The following TENM3 variants were observed in gnomAD, a reference collection of about 807,000 sequenced individuals.
The protein encoded by TENM3 is teneurin-3.
In TENM3, 63 loss-of-function variants were observed where a neutral mutation model predicts 255.1. The ratio of observed to expected loss-of-function variants is 0.25; its 90% CI spans 0.20 to 0.30. TENM3 has a LOEUF of 0.30. Among genes scored for constraint, TENM3 ranks in the 10% least tolerant of loss-of-function variants. The pLI is 1.00. For synonymous variants in TENM3, 1,306 were observed against 1,322.3 expected (o/e 0.99, Z 0.27); for missense variants, 2,929 against 3,461.1 (o/e 0.85, Z 3.86).
At chr4:182,462,993 T>C (rs1161097723) in intron 3 of TENM3, among the ~76,000 whole-genome samples, 1 of 152,074 alleles carries the variant, frequency 6.6e-6, no homozygotes, top group East Asian at 1.9e-4. Flanking sequence ...AATCCATGTA[T>C]ACTAAAGGCC....
the TENM3 span, among the ~76,000 whole-genome samples, chr4:181,836,944 T>G: frequency 6.6e-6 from 1 of 152,008 alleles, no homozygotes; most frequent in Non-Finnish European, 1.5e-5. Flanking sequence ...AATAAAGTTT[T>G]ATGATTTTTC....
At chr4:182,300,102 G>A (rs1332589294) in intron 1 of TENM3, among the ~76,000 whole-genome samples, 3 of 152,070 alleles carry the variant, frequency 2.0e-5, no homozygotes, top group African/African-American at 7.2e-5. Context: ...TTTTAGTAGA[G>A]ACGAGGTTTC....
At chr4:181,814,510 TA>T in the TENM3 span, among the ~76,000 whole-genome samples, 1 of 152,042 alleles carries the variant, frequency 6.6e-6, no homozygotes, top group African/African-American at 2.4e-5. Flanking sequence ...ATACAGTTAA[TA>T]AACTTCACTG....
intron 5 of TENM3, among the ~76,000 whole-genome samples, chr4:182,636,051 G>A (rs1347778298): frequency 6.6e-6 from 1 of 152,152 alleles, no homozygotes; most frequent in Admixed American, 6.5e-5. Flanking sequence ...TAATGTTCTA[G>A]AACACAGCCA....
At chr4:181,530,628 C>A in the TENM3 span, among the ~76,000 whole-genome samples, 3 of 152,204 alleles carry the variant, frequency 2.0e-5, no homozygotes, top group African/African-American at 7.2e-5. Flanking sequence ...AGGGGACCCT[C>A]AGTGCATAAT....
chr4:182,495,394 T>C (rs1038114522), intron 3 of TENM3, among the ~76,000 whole-genome samples: 1 of 152,198 alleles, frequency 6.6e-6, no homozygotes, highest in Admixed American at 6.5e-5. Context: ...GGGAAAATGG[T>C]TTCAGATTCA....
intron 1 of TENM3, among the ~76,000 whole-genome samples, chr4:182,191,752 C>T (rs547762047): frequency 1.7e-3 from 263 of 152,224 alleles, no homozygotes; most frequent in African/African-American, 6.2e-3. Context: ...TGCTATCAGC[C>T]AGAGATCTAA....
chr4:181,612,686 C>T, the TENM3 span, among the ~76,000 whole-genome samples: 11 of 152,000 alleles, frequency 7.2e-5, no homozygotes, highest in African/African-American at 1.2e-4. Context: ...TGATAGGATA[C>T]GCAGTCTGTT....
the TENM3 span, among the ~76,000 whole-genome samples, chr4:181,641,995 G>A: frequency 1.3e-5 from 2 of 151,174 alleles, no homozygotes; most frequent in Admixed American, 1.3e-4. Context: ...CCAGTAATGG[G>A]ATTGCTGGGT....
At chr4:182,014,182 G>A in the TENM3 span, among the ~76,000 whole-genome samples, 6 of 148,002 alleles carry the variant, frequency 4.1e-5, no homozygotes, top group Admixed American at 1.4e-4. Flanking sequence ...ATATATATAT[G>A]TGTGTGTATA....
At chr4:182,221,157 A>G (rs1755831413) in intron 1 of TENM3, among the ~76,000 whole-genome samples, 3 of 152,210 alleles carry the variant, frequency 2.0e-5, no homozygotes, top group Non-Finnish European at 4.4e-5. Context: ...ACTTGTGCTG[A>G]TTTTATCAAA....
chr4:181,555,521 T>C, the TENM3 span, among the ~76,000 whole-genome samples: 1 of 152,200 alleles, frequency 6.6e-6, no homozygotes, highest in Non-Finnish European at 1.5e-5. Context: ...TAAAAACAAA[T>C]AAAATTCTTC....
the TENM3 span, among the ~76,000 whole-genome samples, chr4:181,889,498 A>T: frequency 1.3e-5 from 2 of 152,204 alleles, no homozygotes; most frequent in Non-Finnish European, 2.9e-5. Flanking sequence ...GCAACGCAAG[A>T]ACAGCCTAGC....
chr4:181,893,578 T>A, the TENM3 span, among the ~76,000 whole-genome samples: 25 of 147,704 alleles, frequency 1.7e-4, no homozygotes, highest in African/African-American at 4.7e-4. Context: ...CAAAGATTTT[T>A]ACTTCTGCAA....
intron 22 of TENM3, among the ~76,000 whole-genome samples, chr4:182,766,087 C>T (rs549036512): frequency 1.3e-5 from 2 of 152,292 alleles, no homozygotes; most frequent in South Asian, 2.1e-4. Context: ...TGGCACAGCC[C>T]TCCTTGTCCT....
At chr4:181,512,234 A>G in the TENM3 span, among the ~76,000 whole-genome samples, 1 of 152,190 alleles carries the variant, frequency 6.6e-6, no homozygotes, top group South Asian at 2.1e-4. Context: ...TCTCTCATGT[A>G]GGTGCTTATG....
intron 4 of TENM3, among the ~76,000 whole-genome samples, chr4:182,604,601 A>G (rs571438328): frequency 6.6e-6 from 1 of 152,306 alleles, no homozygotes; most frequent in African/African-American, 2.4e-5. Context: ...AGTAACTCTC[A>G]TTGAGAAGCC....
At chr4:182,052,327 A>G in the TENM3 span, among the ~76,000 whole-genome samples, 6 of 152,062 alleles carry the variant, frequency 3.9e-5, no homozygotes, top group African/African-American at 1.5e-4. Flanking sequence ...CATAGTGTCA[A>G]TGAGATGGGG....
chr4:182,529,320 T>A lies in TENM3; in HGVS notation c.512-71604T>A, dbSNP rs148796678. On this transcript the variant is annotated intron_variant, in intron 3 of 27. Coordinates refer to ENST00000511685, the MANE Select transcript of TENM3 (RefSeq NM_001080477.4). Reference sequence around the variant, plus strand: ...TGAAAAGATTATCACTGTGGCTTATTTTGTGTCTTATCGATAAATTATGGT... The same window carrying A: ...TGAAAAGATTATCACTGTGGCTTATATTGTGTCTTATCGATAAATTATGGT... 5.2e-3 allele frequency among the ~76,000 whole-genome samples: 795 copies of A among 152,256 alleles called. 6 individuals carry two copies. The highest frequency in any genetic ancestry group is 0.018 in the African/African-American group (760 of 41,544).
Sources: allele counts gnomAD v4.1 joint callset (sites outside exome capture counted in the v4.1 genomes callset), GRCh38; gene constraint gnomAD v4.1.1; transcripts MANE v1.5; gene names NCBI Gene and HGNC (gene_info 2026-07-23, HGNC 2026-07-21).